The following TMEM233 variants were observed in gnomAD, a reference collection of about 807,000 sequenced individuals.
The protein encoded by TMEM233 is transmembrane protein 233, also known as dispanin subfamily B member 2.
In TMEM233, 6 loss-of-function variants were observed where a neutral mutation model predicts 11.2. The ratio of observed to expected loss-of-function variants is 0.54; its 90% CI spans 0.29 to 1.06. TMEM233 has a LOEUF of 1.06. Ranked by LOEUF, TMEM233 falls within the 50% of genes least tolerant of loss-of-function variation. TMEM233 has a pLI of 0.08. For synonymous variants in TMEM233, 59 were observed against 55.8 expected (o/e 1.06, Z -0.26); for missense variants, 127 against 144.7 (o/e 0.88, Z 0.63).
rs1953985092 is a variant in TMEM233, at chr12:119,594,324, G to T, written c.186+290G>T. The T allele has an allele frequency of 5.1e-6, 2 of 392,222 alleles. No individual in the cohort carries two copies. The highest frequency in any genetic ancestry group is 4.1e-5 in the Admixed American group (1 of 24,098). 24.3% of individuals were successfully genotyped at this position (392,222 alleles called of 1,614,324 possible). ...CCAGGGTGCGTTTCCTCTCCAACCC[G>T]GGGAAGTTCTTCCGTGGACTTTGCT... On this transcript the variant is annotated intron_variant, in intron 1 of 2. Coordinates refer to ENST00000426426, the MANE Select transcript of TMEM233 (RefSeq NM_001136534.3). The surrounding 1 kb of genome is among the most constrained non-coding windows in gnomAD (Gnocchi z 5.6).
At chr12:119,596,209 C>T (rs75964753) in intron 1 of TMEM233, among the ~76,000 whole-genome samples, 1,672 of 152,272 alleles carry the variant, frequency 0.011, 31 homozygotes, top group African/African-American at 0.038. Flanking sequence ...GTCTGGCTGG[C>T]ACTGGTGCCC....
chr12:119,631,787 C>G (rs1026691821), intron 2 of TMEM233: 17 of 366,756 alleles, frequency 4.6e-5, no homozygotes, highest in Middle Eastern at 2.8e-3. Context: ...TCAGTTTCCT[C>G]ACCTGTAAAA....
intron 1 of TMEM233, among the ~76,000 whole-genome samples, chr12:119,606,424 G>A (rs1954280373): frequency 6.6e-6 from 1 of 151,994 alleles, no homozygotes; most frequent in African/African-American, 2.4e-5. Context: ...AAAGAGAGAA[G>A]ATGTGGTTTG....
chr12:119,602,408 T>C (rs1289505158), intron 1 of TMEM233, among the ~76,000 whole-genome samples: 1 of 152,206 alleles, frequency 6.6e-6, no homozygotes, highest in East Asian at 1.9e-4. Context: ...ACAGCTGAGA[T>C]TGTCACCTGA....
chr12:119,628,300 C>G (rs2136767501), intron 1 of TMEM233, among the ~76,000 whole-genome samples: 1 of 151,710 alleles, frequency 6.6e-6, no homozygotes, highest in South Asian at 2.1e-4. Flanking sequence ...GCTGGGATTA[C>G]AGGTGCCTGC....
chr12:119,630,224 CAGACTGAGTGATTTATAAAAAAAGAAGG>C (rs1954850973), intron 2 of TMEM233, among the ~76,000 whole-genome samples: 1 of 152,210 alleles, frequency 6.6e-6, no homozygotes, highest in South Asian at 2.1e-4. Context: ...AGAAATACCT[CAGACTGAGTGATTTATAAAAAAAGAAGG>C]TTTGGATGCT....
chr12:119,640,767 G>T lies in TMEM233; in HGVS notation c.*62G>T. ...GGACCTCATCCACACACACCCCAAA[G>T]GAGTTTCTAAGGAATGGATCCTTGA... is the stretch of plus-strand genomic sequence containing the variant. On this transcript the variant is annotated 3_prime_UTR_variant, in exon 3 of 3. Transcript: ENST00000426426. 6.5e-7 allele frequency: 1 copy of T among 1,544,576 alleles called. No homozygotes were observed. The highest frequency in any genetic ancestry group is 8.8e-7 in the Non-Finnish European group (1 of 1,142,090).
chr12:119,607,255 G>T (rs1358576345), intron 1 of TMEM233, among the ~76,000 whole-genome samples: 1 of 152,058 alleles, frequency 6.6e-6, no homozygotes, highest in Non-Finnish European at 1.5e-5. Context: ...TTTATTGTTA[G>T]GTGACATTCA....
rs181530849 is a variant in TMEM233 at position 119,639,260 on chromosome 12, T to G, written c.324-1439T>G. ...TATGTCTGTTTCCCCCCTACTGGCA[T>G]GAGAACTCCAGGGACATTTTCATTT... is the stretch of plus-strand genomic sequence containing the variant. On this transcript the variant is annotated intron_variant, in intron 2 of 2. Transcript: ENST00000426426. Among the ~76,000 whole-genome samples the G allele has an allele frequency of 1.7e-3, 256 of 152,190 alleles. 3 individuals carry two copies. Among genetic ancestry groups the G allele is most frequent in the Middle Eastern group, 0.014 (4 of 294 alleles).
At position 119,594,223 on chromosome 12, in the gene TMEM233, C is replaced by T. The variant is rs577402664; in HGVS notation, c.186+189C>T. The T allele has an allele frequency of 3.4e-4, 202 of 601,604 alleles. No homozygotes were observed. The highest frequency in any genetic ancestry group is 5.0e-4 in the Non-Finnish European group (171 of 340,356). 37.3% of individuals were successfully genotyped at this position (601,604 alleles called of 1,614,324 possible). A position where few individuals can be genotyped will look rare whatever the true frequency, so the allele number is the denominator to read the frequency against. On this transcript the variant is annotated intron_variant, in intron 1 of 2. Transcript: ENST00000426426. The surrounding 1 kb of genome is among the most constrained non-coding windows in gnomAD (Gnocchi z 5.6). ...GAGCTCTCCCCGCAATCATCAGCAC[C>T]TCCTCTGCACTCCTCGTGGTACTCA...
intron 1 of TMEM233, among the ~76,000 whole-genome samples, chr12:119,619,069 TAGTG>T (rs1183116447): frequency 1.3e-5 from 2 of 152,180 alleles, no homozygotes; most frequent in African/African-American, 4.8e-5. Flanking sequence ...ATTCATGTGA[TAGTG>T]AGTAAGTTCT....
intron 1 of TMEM233, among the ~76,000 whole-genome samples, chr12:119,610,523 C>G (rs760365097): frequency 8.5e-5 from 13 of 152,168 alleles, no homozygotes; most frequent in Non-Finnish European, 1.9e-4. Flanking sequence ...TAAGCCCCAC[C>G]TGTCATGGGA....
At chr12:119,650,628 TTTGTTGTTG>T in the TMEM233 span, among the ~76,000 whole-genome samples, 6 of 151,338 alleles carry the variant, frequency 4.0e-5, no homozygotes, top group African/African-American at 7.3e-5. Context: ...CTTATTTGAT[TTTGTTGTTG>T]TTGTTGTTGT....
At chr12:119,602,925 C>T (rs1207961894) in intron 1 of TMEM233, among the ~76,000 whole-genome samples, 2 of 151,998 alleles carry the variant, frequency 1.3e-5, no homozygotes, top group Non-Finnish European at 2.9e-5. Context: ...ATTACCCTGT[C>T]AAACTGTGTA....
chr12:119,630,856 T>C (rs1464647019), intron 2 of TMEM233, among the ~76,000 whole-genome samples: 1 of 152,216 alleles, frequency 6.6e-6, no homozygotes, highest in East Asian at 1.9e-4. Context: ...CCTACTTGCA[T>C]CAAACTAGCA....
At chr12:119,640,125 T>A (rs1344669774) in intron 2 of TMEM233, among the ~76,000 whole-genome samples, 6 of 149,958 alleles carry the variant, frequency 4.0e-5, no homozygotes, top group African/African-American at 1.5e-4. Context: ...AAGAGGCATT[T>A]TTCCATATCC....
intron 1 of TMEM233, among the ~76,000 whole-genome samples, chr12:119,621,722 A>G (rs1265356256): frequency 6.6e-6 from 1 of 152,230 alleles, no homozygotes; most frequent in Non-Finnish European, 1.5e-5. Context: ...TCTGGCATAT[A>G]CTAAATGCCT....
At chr12:119,640,072 C>G (rs909457592) in intron 2 of TMEM233, among the ~76,000 whole-genome samples, 3 of 152,230 alleles carry the variant, frequency 2.0e-5, no homozygotes, top group African/African-American at 7.2e-5. Flanking sequence ...AACAGCACTA[C>G]TATACTAATC....
intron 1 of TMEM233, among the ~76,000 whole-genome samples, chr12:119,625,341 C>T (rs890624208): frequency 1.3e-5 from 2 of 151,170 alleles, no homozygotes; most frequent in Admixed American, 6.6e-5. Flanking sequence ...ACAGCACTGA[C>T]GGAGTCCTTC....
Sources: gnomAD v4.1 joint callset for allele counts (sites outside exome capture counted in the v4.1 genomes callset) on GRCh38, gnomAD v4.1.1 for gene constraint, Gnocchi (gnomAD v3.1) non-coding constraint, MANE v1.5 for transcripts, NCBI Gene and HGNC (gene_info 2026-07-23, HGNC 2026-07-21) for gene names.